The following VWA3B variants were observed in gnomAD, a reference collection of about 807,000 sequenced individuals.
VWA3B encodes the protein von Willebrand factor A domain-containing protein 3B.
A neutral mutation model predicts 158.3 loss-of-function variants in VWA3B; 138 were observed. The ratio of observed to expected loss-of-function variants is 0.87; its 90% CI spans 0.76 to 1.00. VWA3B has a LOEUF of 1.00. Ranked by LOEUF, VWA3B falls within the 50% of genes least tolerant of loss-of-function variation. The pLI, the probability that VWA3B is intolerant of heterozygous loss-of-function variation, is 0.00. For missense variants in VWA3B, 1,555 were observed against 1,565.1 expected (o/e 0.99, Z 0.11); for synonymous variants, 596 against 587.3 (o/e 1.01, Z -0.21).
At chr2:98,281,711 C>A (rs993140717) in intron 22 of VWA3B, among the ~76,000 whole-genome samples, 13 of 151,910 alleles carry the variant, frequency 8.6e-5, no homozygotes, top group Non-Finnish European at 1.8e-4. Flanking sequence ...AGGGTCACAC[C>A]ATTTGGGGCC....
intron 25 of VWA3B, among the ~76,000 whole-genome samples, chr2:98,300,987 A>G (rs1446304083): frequency 6.6e-6 from 1 of 152,160 alleles, no homozygotes; most frequent in African/African-American, 2.4e-5. Context: ...CACAGGCTTT[A>G]CAGTTAAAAG....
chr2:98,297,649 G>A (rs570177729), intron 23 of VWA3B, among the ~76,000 whole-genome samples: 7 of 152,228 alleles, frequency 4.6e-5, no homozygotes, highest in Admixed American at 3.9e-4. Context: ...GGCTGATGGC[G>A]CAGGATGAAC....
intron 2 of VWA3B, among the ~76,000 whole-genome samples, chr2:98,100,304 AGG>A (rs1435566543): frequency 6.6e-6 from 1 of 152,182 alleles, no homozygotes; most frequent in Non-Finnish European, 1.5e-5. Context: ...TTGCAGCACT[AGG>A]GGGTGTCCTA....
intron 19 of VWA3B, among the ~76,000 whole-genome samples, chr2:98,248,558 C>T (rs1686545840): frequency 6.6e-6 from 1 of 152,150 alleles, no homozygotes; most frequent in African/African-American, 2.4e-5. Context: ...TCTCCCTAAG[C>T]AGGACCTTCT....
chr2:98,222,234 G>A (rs1684572977), intron 14 of VWA3B, among the ~76,000 whole-genome samples: 1 of 152,106 alleles, frequency 6.6e-6, no homozygotes. Flanking sequence ...AAAGAAAACT[G>A]TCCCACAGAA....
chr2:98,307,368 C>G (rs1350570635), intron 26 of VWA3B, among the ~76,000 whole-genome samples: 1 of 152,118 alleles, frequency 6.6e-6, no homozygotes, highest in African/African-American at 2.4e-5. Context: ...TTCTGACTGA[C>G]TAGCAACTTA....
intron 6 of VWA3B, among the ~76,000 whole-genome samples, chr2:98,129,224 A>AGAGAGAGAGAGT (rs1370543551): frequency 8.0e-6 from 1 of 124,562 alleles, no homozygotes; most frequent in African/African-American, 3.3e-5. Context: ...AGAGAGAGAG[A>AGAGAGAGAGAGT]GTGTGTGTGT....
intron 8 of VWA3B, among the ~76,000 whole-genome samples, chr2:98,175,977 T>G (rs1679980676): frequency 6.6e-6 from 1 of 152,212 alleles, no homozygotes; most frequent in South Asian, 2.1e-4. Flanking sequence ...AGTTAGCAAC[T>G]GCAGCAAAGG....
chr2:98,289,034 A>G (rs1030467190), intron 22 of VWA3B, among the ~76,000 whole-genome samples: 1 of 152,234 alleles, frequency 6.6e-6, no homozygotes, highest in African/African-American at 2.4e-5. Flanking sequence ...ATATTGTTCA[A>G]TACTGGGACA....
At chr2:98,224,091 C>G (rs1166270144) in intron 14 of VWA3B, among the ~76,000 whole-genome samples, 1 of 152,092 alleles carries the variant, frequency 6.6e-6, no homozygotes, top group Non-Finnish European at 1.5e-5. Context: ...TAAATAAAAA[C>G]TAAAAGAACT....
At chr2:98,318,471 C>T in the VWA3B span, among the ~76,000 whole-genome samples, 1 of 152,098 alleles carries the variant, frequency 6.6e-6, no homozygotes, top group Non-Finnish European at 1.5e-5. Flanking sequence ...AACACAGGAA[C>T]AGAAAACCAA....
chr2:98,208,051 G>A (rs1245838913), intron 12 of VWA3B, among the ~76,000 whole-genome samples: 2 of 151,738 alleles, frequency 1.3e-5, no homozygotes, highest in African/African-American at 2.4e-5. Context: ...TCTGTTGTTT[G>A]ATGTATACAC....
At chr2:98,149,782 C>T (rs1677476344) in intron 7 of VWA3B, among the ~76,000 whole-genome samples, 1 of 152,114 alleles carries the variant, frequency 6.6e-6, no homozygotes, top group Non-Finnish European at 1.5e-5. Context: ...GACCCTATTC[C>T]CCCGCCTCAT....
At chr2:98,153,060 G>A (rs1011820850) in intron 7 of VWA3B, among the ~76,000 whole-genome samples, 1 of 152,114 alleles carries the variant, frequency 6.6e-6, no homozygotes, top group African/African-American at 2.4e-5. Context: ...CCCCACCCAC[G>A]ACAGGCGTCA....
At chr2:98,108,335 G>A (rs1322464951) in intron 2 of VWA3B, among the ~76,000 whole-genome samples, 1 of 152,160 alleles carries the variant, frequency 6.6e-6, no homozygotes, top group Non-Finnish European at 1.5e-5. Context: ...GTATTCTGCT[G>A]TTGTTTTATA....
At chr2:98,154,853 G>A (rs78041849) in intron 7 of VWA3B, among the ~76,000 whole-genome samples, 49 of 152,270 alleles carry the variant, frequency 3.2e-4, no homozygotes, top group Admixed American at 2.7e-3. Flanking sequence ...TGACAGATCC[G>A]TTTCACATTT....
chr2:98,281,631 T>C (rs77588328), intron 22 of VWA3B, among the ~76,000 whole-genome samples: 5,930 of 152,248 alleles, frequency 0.039, 167 homozygotes, highest in Middle Eastern at 0.075. Flanking sequence ...CATCAAACCT[T>C]TAGTCATTTC....
At chr2:98,282,580 G>A (rs2105924066) in intron 22 of VWA3B, among the ~76,000 whole-genome samples, 1 of 151,884 alleles carries the variant, frequency 6.6e-6, no homozygotes, top group Non-Finnish European at 1.5e-5. Context: ...GGGATTACAG[G>A]CGCACGGCAC....
chr2:98,318,398 G>A, the VWA3B span, among the ~76,000 whole-genome samples: 6 of 152,278 alleles, frequency 3.9e-5, no homozygotes, highest in South Asian at 1.2e-3. Context: ...CCATAAAAAA[G>A]AATGAGATAA....
Sources: allele counts gnomAD v4.1 joint callset (sites outside exome capture counted in the v4.1 genomes callset), GRCh38; gene constraint gnomAD v4.1.1; transcripts MANE v1.5; gene names NCBI Gene and HGNC (gene_info 2026-07-23, HGNC 2026-07-21).